BTC: variants seen among roughly 807,000 people sequenced by gnomAD.
BTC encodes probetacellulin.
In BTC, 13 loss-of-function variants were observed where a neutral mutation model predicts 18.1. That is an observed-to-expected ratio of 0.72 (90% CI 0.47 to 1.14). The LOEUF is 1.14. BTC is among the 50% of genes most tolerant of loss of function. The pLI, the probability that BTC is intolerant of heterozygous loss-of-function variation, is 0.00. For synonymous variants in BTC, 83 were observed against 79.4 expected, an observed-to-expected ratio of 1.05 and a Z score of -0.24; for missense variants, 247 against 224.2, an observed-to-expected ratio of 1.10 and a Z score of -0.65.
chr4:74,771,328 C>G (rs555051337), intron 1 of BTC, among the ~76,000 whole-genome samples: 4 of 152,126 alleles, frequency 2.6e-5, no homozygotes, highest in Non-Finnish European at 5.9e-5. Flanking sequence ...TATTGTTATG[C>G]AACTGACAAG....
chr4:74,758,472 G>A (rs1724662617), intron 2 of BTC, among the ~76,000 whole-genome samples: 1 of 152,158 alleles, frequency 6.6e-6, no homozygotes, highest in Non-Finnish European at 1.5e-5. Flanking sequence ...AGGGCAAGGA[G>A]ATTAACTCAA....
chr4:74,748,028 T>C lies in BTC; in HGVS notation c.*1+12A>G, dbSNP rs782015073. On this transcript the variant is annotated intron_variant, in intron 5 of 5. Transcript: ENST00000395743. The stretch of plus-strand genomic sequence containing the variant: ...CTGAATAGTTTTCTATCAGCAAGTT[T>C]ATCTCACTTACTTTAAGCAATATTT... The C allele has an allele frequency of 6.7e-7, 1 of 1,496,632 alleles. No individual in the cohort carries two copies. Among genetic ancestry groups the C allele is most frequent in the Non-Finnish European group, 9.2e-7 (1 of 1,088,234 alleles). The allele number at this position is 1,496,632 out of a possible 1,614,324, so 92.7% of individuals were successfully genotyped here.
At chr4:74,777,016 A>C (rs1251053912) in intron 1 of BTC, among the ~76,000 whole-genome samples, 1 of 152,178 alleles carries the variant, frequency 6.6e-6, no homozygotes, top group Non-Finnish European at 1.5e-5. Context: ...CAACCTATGA[A>C]CATAAGCAGA....
intron 1 of BTC, among the ~76,000 whole-genome samples, chr4:74,772,068 A>T (rs1412457111): frequency 1.3e-5 from 2 of 152,206 alleles, no homozygotes; most frequent in African/African-American, 4.8e-5. Flanking sequence ...TTGTGGGAGT[A>T]TGTACTCATC....
At chr4:74,788,799 T>C (rs1340991323) in intron 1 of BTC, among the ~76,000 whole-genome samples, 1 of 152,248 alleles carries the variant, frequency 6.6e-6, no homozygotes, top group Non-Finnish European at 1.5e-5. Context: ...ACAAAACTCA[T>C]ACCTGGTCTG....
At chr4:74,759,327 T>C (rs1553957059) in intron 2 of BTC, among the ~76,000 whole-genome samples, 3 of 152,208 alleles carry the variant, frequency 2.0e-5, no homozygotes, top group East Asian at 1.9e-4. Flanking sequence ...ACCAGAAATA[T>C]CCCTCTGGTC....
At chr4:74,752,173 G>A (rs1724478389) in intron 3 of BTC, among the ~76,000 whole-genome samples, 1 of 152,136 alleles carries the variant, frequency 6.6e-6, no homozygotes, top group Non-Finnish European at 1.5e-5. Flanking sequence ...CACTTGAAAG[G>A]TGAGGCTTAA....
chr4:74,754,861 T>G (rs1430497507), intron 3 of BTC, among the ~76,000 whole-genome samples: 1 of 152,000 alleles, frequency 6.6e-6, no homozygotes, highest in Admixed American at 6.6e-5. Context: ...TCATTAATAT[T>G]TTTAAAATTC....
chr4:74,783,895 A>T (rs1036452278), intron 1 of BTC, among the ~76,000 whole-genome samples: 2 of 152,002 alleles, frequency 1.3e-5, no homozygotes, highest in Non-Finnish European at 2.9e-5. Context: ...ATGGGAGTTC[A>T]TTCCTGATTT....
At chr4:74,765,142 C>T (rs141183586) in intron 2 of BTC, among the ~76,000 whole-genome samples, 7 of 104,162 alleles carry the variant, frequency 6.7e-5, no homozygotes, top group Admixed American at 4.6e-4. Flanking sequence ...TAAATATATC[C>T]TAAAGAAAGA....
Position 74,794,418 on chromosome 4 carries a change from G to A in BTC, c.-93C>T, listed in dbSNP as rs1577976569. 4 of 1,313,046 alleles carry A rather than the reference G, an allele frequency of 3.0e-6. No individual in the cohort carries two copies. The highest frequency in any genetic ancestry group is 4.0e-6 in the Non-Finnish European group (4 of 992,348). 81.3% of individuals were successfully genotyped at this position (1,313,046 alleles called of 1,614,324 possible). On this transcript the variant is annotated 5_prime_UTR_variant, in exon 1 of 6. Transcript: ENST00000395743. ...CCTCGGGCGCCTGAGAGGGTGCCTG[G>A]AAACTAATCCCGGAGGCAGAAGGAA...
chr4:74,749,487 T>C (rs1724391215), intron 4 of BTC, among the ~76,000 whole-genome samples: 1 of 147,240 alleles, frequency 6.8e-6, no homozygotes, highest in African/African-American at 2.5e-5. Flanking sequence ...TGTCTCAAAA[T>C]AAATAAATAA....
At chr4:74,759,196 A>G (rs1277948510) in intron 2 of BTC, among the ~76,000 whole-genome samples, 6 of 152,216 alleles carry the variant, frequency 3.9e-5, no homozygotes, top group African/African-American at 1.4e-4. Context: ...CATCCATTCC[A>G]GAGATATTTA....
At chr4:74,788,307 A>G (rs1725536649) in intron 1 of BTC, among the ~76,000 whole-genome samples, 1 of 152,132 alleles carries the variant, frequency 6.6e-6, no homozygotes, top group Non-Finnish European at 1.5e-5. Flanking sequence ...TAATTTGTCC[A>G]CCTTTTAATT....
intron 2 of BTC, among the ~76,000 whole-genome samples, chr4:74,763,424 A>G (rs999585307): frequency 4.6e-5 from 7 of 152,068 alleles, no homozygotes; most frequent in African/African-American, 1.7e-4. Flanking sequence ...CCATGTAGAG[A>G]CTACAGTATA....
intron 1 of BTC, among the ~76,000 whole-genome samples, chr4:74,776,549 A>G (rs1365891918): frequency 6.6e-6 from 1 of 152,188 alleles, no homozygotes; most frequent in Non-Finnish European, 1.5e-5. Context: ...ATATTACAGA[A>G]TGTATTAAAA....
Position 74,794,339 on chromosome 4 carries a change from C to CCGGG in BTC, c.-18_-15dup. On this transcript the variant is annotated 5_prime_UTR_variant, in exon 1 of 6. Transcript: ENST00000395743. ...GGCCCGGTCCATCAACCCCGCTCTG[C>CCGGG]CGGGCCGGGCAGCCCCTAGACAAGT... is the stretch of plus-strand genomic sequence containing the variant. The CCGGG allele has an allele frequency of 6.5e-7, 1 of 1,540,898 alleles. No individual in the cohort carries two copies. Among genetic ancestry groups the CCGGG allele is most frequent in the Non-Finnish European group, 8.7e-7 (1 of 1,143,548 alleles).
At chr4:74,754,077 T>C (rs971821216) in intron 3 of BTC, among the ~76,000 whole-genome samples, 2 of 152,206 alleles carry the variant, frequency 1.3e-5, no homozygotes, top group African/African-American at 2.4e-5. Flanking sequence ...TGCTTATAAC[T>C]GGCAAAAGCA....
chr4:74,771,226 T>C (rs1160561086), intron 1 of BTC, among the ~76,000 whole-genome samples: 1 of 152,138 alleles, frequency 6.6e-6, no homozygotes, highest in African/African-American at 2.4e-5. Context: ...AGGAATTAGC[T>C]GGTCTTGAGT....
Sources: allele counts gnomAD v4.1 joint callset (sites outside exome capture counted in the v4.1 genomes callset), GRCh38; gene constraint gnomAD v4.1.1; transcripts MANE v1.5; gene names NCBI Gene and HGNC (gene_info 2026-07-23, HGNC 2026-07-21).